The following MYO10 variants were observed in gnomAD, a reference collection of about 807,000 sequenced individuals.
The protein encoded by MYO10 is unconventional myosin-X.
MYO10 carries 133 observed loss-of-function variants against 257.3 expected under a neutral mutation model. That is an observed-to-expected ratio of 0.52 (90% CI 0.45 to 0.60). The LOEUF (loss-of-function observed/expected upper bound fraction) is 0.60. Among genes scored for constraint, MYO10 ranks in the 20% least tolerant of loss-of-function variants. The pLI, the probability that MYO10 is intolerant of heterozygous loss-of-function variation, is 0.00. For missense variants in MYO10, 2,399 were observed against 2,635.7 expected (o/e 0.91, Z 1.97); for synonymous variants, 1,104 against 1,028.6 (o/e 1.07, Z -1.40).
chr5:16,671,032 T>A, intron 38 of MYO10, 54 bp from the exon 39 acceptor site: 2 of 1,471,564 alleles, frequency 1.4e-6, no homozygotes, highest in South Asian at 2.6e-5. Context: ...TGCCATGGGA[T>A]GCCCACGTCG....
rs71595978 is a variant in MYO10 at position 16,757,301 on chromosome 5, A to AACACACAC, written c.1848+809_1848+816dup. ...CAAGACCCTGTCTCACACACACACA[A>AACACACAC]ACACACACACACACGCACACACACA... On this transcript the variant is annotated intron_variant, in intron 18 of 40. Transcript: ENST00000513610. Among the ~76,000 whole-genome samples the AACACACAC allele has an allele frequency of 5.0e-3, 424 of 84,378 alleles. 10 individuals are homozygous for AACACACAC. The highest frequency in any genetic ancestry group is 0.028 in the East Asian group (79 of 2,856). 55.4% of individuals were successfully genotyped at this position (84,378 alleles called of 152,430 possible).
chr5:16,843,438 T>C (rs1034694506), intron 2 of MYO10, among the ~76,000 whole-genome samples: 2 of 143,134 alleles, frequency 1.4e-5, no homozygotes, highest in East Asian at 2.0e-4. Flanking sequence ...CAAGGTGATA[T>C]TCTTATCCCA....
intron 19 of MYO10, among the ~76,000 whole-genome samples, chr5:16,750,036 A>G (rs1306904519): frequency 2.0e-5 from 3 of 152,156 alleles, no homozygotes; most frequent in African/African-American, 7.2e-5. Context: ...TACCACCGCC[A>G]CCGCCCAAGC....
intron 33 of MYO10, among the ~76,000 whole-genome samples, chr5:16,678,836 C>A (rs1393071720): frequency 6.6e-6 from 1 of 152,156 alleles, no homozygotes; most frequent in Non-Finnish European, 1.5e-5. Context: ...TGTCACAGCC[C>A]CAGCTCTGTC....
At chr5:16,765,593 A>G (rs2126653400) in intron 11 of MYO10, among the ~76,000 whole-genome samples, 1 of 152,314 alleles carries the variant, frequency 6.6e-6, no homozygotes, top group East Asian at 1.9e-4. Flanking sequence ...TAAATAAAAC[A>G]TATTATTATA....
chr5:16,856,074 A>G (rs1227011300), intron 2 of MYO10, among the ~76,000 whole-genome samples: 1 of 152,224 alleles, frequency 6.6e-6, no homozygotes, highest in Non-Finnish European at 1.5e-5. Context: ...ATGGAACAGT[A>G]TTGTTTTCTG....
At chr5:16,882,225 G>T (rs963139513) in intron 1 of MYO10, among the ~76,000 whole-genome samples, 2 of 152,120 alleles carry the variant, frequency 1.3e-5, no homozygotes, top group Admixed American at 1.3e-4. Flanking sequence ...GTTCACAGAG[G>T]TTCCATTTTC....
intron 19 of MYO10, chr5:16,742,014 G>A (rs1740033527): frequency 5.1e-6 from 5 of 985,416 alleles, no homozygotes; most frequent in Admixed American, 6.1e-5. Flanking sequence ...CGAGGCTGAC[G>A]TGATAGGAAC....
rs112582150 is a variant in MYO10 at position 16,773,544 on chromosome 5, C to A, written c.931-4341G>T. ...TAGTGTGCTGGCATACACCTGTACT[C>A]CCAGCTACTTGGGAGGCTAGGGCAG... On this transcript the variant is annotated intron_variant, in intron 9 of 40. Transcript: ENST00000513610. 2.6e-3 allele frequency among the ~76,000 whole-genome samples: 395 copies of A among 152,048 alleles called. 1 individual carries two copies. The highest frequency in any genetic ancestry group is 9.3e-3 in the African/African-American group (384 of 41,478).
rs1445567401 is a variant in MYO10, at chr5:16,783,318, A to G, written c.602+17T>C. ...AAGTGAATCCTATTAGTTGGAAACA[A>G]GAAAATCAATAAATACCTGCTTTCA... On this transcript the variant is annotated intron_variant, in intron 5 of 40. Coordinates refer to ENST00000513610, the MANE Select transcript of MYO10 (RefSeq NM_012334.3). The G allele has an allele frequency of 6.5e-7, 1 of 1,541,556 alleles. No individual in the cohort carries two copies. The highest frequency in any genetic ancestry group is 2.3e-5 in the East Asian group (1 of 43,380).
chr5:16,715,079 C>T (rs1738790716), intron 19 of MYO10, among the ~76,000 whole-genome samples: 1 of 150,088 alleles, frequency 6.7e-6, no homozygotes, highest in Non-Finnish European at 1.5e-5. Flanking sequence ...CTCATACATC[C>T]CATCAATACA....
At chr5:16,693,700 A>G (rs1167531349) in intron 27 of MYO10, among the ~76,000 whole-genome samples, 1 of 152,152 alleles carries the variant, frequency 6.6e-6, no homozygotes, top group Non-Finnish European at 1.5e-5. Flanking sequence ...TTATCCCCAA[A>G]CATGTTTTCA....
At chr5:16,792,234 T>TA (rs35991846) in intron 4 of MYO10, among the ~76,000 whole-genome samples, 54,408 of 147,126 alleles carry the variant, frequency 0.37, 10,627 homozygotes, top group Non-Finnish European at 0.45. Flanking sequence ...CCCATTTGTT[T>TA]AAAAAAAAAA....
intron 1 of MYO10, among the ~76,000 whole-genome samples, chr5:16,897,908 G>C (rs891342653): frequency 6.6e-6 from 1 of 152,216 alleles, no homozygotes. Flanking sequence ...AACTGCTTTT[G>C]AGCATTTCAA....
intron 21 of MYO10, among the ~76,000 whole-genome samples, chr5:16,709,750 G>A (rs1046856654): frequency 1.4e-4 from 22 of 152,304 alleles, no homozygotes; most frequent in African/African-American, 5.1e-4. Flanking sequence ...GATAATCAAT[G>A]TGTGTTGTTA....
At chr5:16,859,409 A>G (rs948900810) in intron 2 of MYO10, among the ~76,000 whole-genome samples, 1 of 151,926 alleles carries the variant, frequency 6.6e-6, no homozygotes, top group African/African-American at 2.4e-5. Context: ...TCACCTCCTA[A>G]AGGTCTTACC....
chr5:16,724,082 T>C (rs187489368), intron 19 of MYO10, among the ~76,000 whole-genome samples: 40 of 152,298 alleles, frequency 2.6e-4, no homozygotes, highest in African/African-American at 9.6e-4. Flanking sequence ...GAATAAACCT[T>C]TGGGGAAACC....
At chr5:16,674,790 A>G in intron 35 of MYO10, 63 bp downstream of exon 35, 1 of 1,567,646 alleles carries the variant, frequency 6.4e-7, no homozygotes, top group East Asian at 2.2e-5. Context: ...CTGAACGAGG[A>G]CCCAGTGCCC....
At chr5:16,897,706 C>T (rs992462311) in intron 1 of MYO10, among the ~76,000 whole-genome samples, 1 of 152,206 alleles carries the variant, frequency 6.6e-6, no homozygotes, top group African/African-American at 2.4e-5. Flanking sequence ...CATTTACAGG[C>T]TACCCTGACA....
Sources: gnomAD v4.1 joint callset for allele counts (sites outside exome capture counted in the v4.1 genomes callset) on GRCh38, gnomAD v4.1.1 for gene constraint, MANE v1.5 for transcripts, NCBI Gene and HGNC (gene_info 2026-07-23, HGNC 2026-07-21) for gene names.